DENND1B: variants seen among roughly 807,000 people sequenced by gnomAD.
The protein encoded by DENND1B is DENN domain containing 1B, also known as DENN domain-containing protein 1B.
DENND1B carries 59 observed loss-of-function variants against 90.1 expected under a neutral mutation model. The ratio of observed to expected loss-of-function variants is 0.65; its 90% CI spans 0.53 to 0.81. DENND1B has a LOEUF of 0.81. DENND1B is among the 40% of genes least tolerant of loss of function. The probability of loss-of-function intolerance (pLI) is 0.00; values close to 1 mark genes in which losing one functional copy is unlikely to be tolerated. For synonymous variants in DENND1B, 337 were observed against 324.6 expected (o/e 1.04, Z -0.41); for missense variants, 862 against 912.6 (o/e 0.94, Z 0.71).
chr1:197,513,357 C>T (rs924175456), intron 20 of DENND1B, among the ~76,000 whole-genome samples: 6 of 151,610 alleles, frequency 4.0e-5, no homozygotes, highest in African/African-American at 1.5e-4. Context: ...ACACTCTCTT[C>T]CACCCCAAGT....
chr1:197,700,478 A>T (rs1450411570), intron 3 of DENND1B, among the ~76,000 whole-genome samples: 1 of 152,198 alleles, frequency 6.6e-6, no homozygotes, highest in African/African-American at 2.4e-5. Flanking sequence ...TGGATTAAAG[A>T]TTTAAATGTA....
chr1:197,648,529 G>A (rs541595044), intron 7 of DENND1B, among the ~76,000 whole-genome samples: 1 of 152,186 alleles, frequency 6.6e-6, no homozygotes, highest in African/African-American at 2.4e-5. Context: ...TCTCATTAAT[G>A]CCACCTCCAT....
chr1:197,578,226 T>C (rs1407851266), intron 15 of DENND1B, among the ~76,000 whole-genome samples: 1 of 148,860 alleles, frequency 6.7e-6, no homozygotes, highest in Non-Finnish European at 1.5e-5. Context: ...AAGAGTAGGG[T>C]TTTTGTTTTT....
In DENND1B at chr1:197,510,580, G is replaced by A; in HGVS notation, c.2208C>T (p.Ala736=). 1 of 1,612,640 alleles carries A rather than the reference G, an allele frequency of 6.2e-7. No individual in the cohort carries two copies. Among genetic ancestry groups the A allele is most frequent in the Non-Finnish European group, 8.5e-7 (1 of 1,179,166 alleles). Residue 736 remains alanine, a synonymous_variant, in exon 23 of 23, where the codon GCC becomes GCT. Transcript: ENST00000620048. ...FVPWEKEGKE[A]KETSEDIGLL... is the part of the protein sequence containing the mutation. ...GTCCAATATCTTCTGAAGTCTCTTT[G>A]GCTTCTTTCCCTTCTTTCTCCCAAG... is the stretch of plus-strand genomic sequence containing the variant.
Position 197,612,271 on chromosome 1 carries a change from A to T in DENND1B, c.774-295T>A, listed in dbSNP as rs572416221. Among the ~76,000 whole-genome samples the T allele has an allele frequency of 4.0e-5, 6 of 150,756 alleles. No homozygotes were observed. The South Asian group carries it at 8.3e-4, about 21-fold the overall frequency. On this transcript the variant is annotated intron_variant, in intron 11 of 22. Transcript: ENST00000620048. ...TTGGTTTGTTTTTACCTTAAGAAGA[A>T]TATCCAGGTCTAGGCCATAGTCTGA...
At chr1:197,642,997 T>C (rs1209072598) in intron 9 of DENND1B, among the ~76,000 whole-genome samples, 176 bp from the exon 10 acceptor site, 1 of 152,158 alleles carries the variant, frequency 6.6e-6, no homozygotes, top group Non-Finnish European at 1.5e-5. Context: ...CATAATATTC[T>C]ATTATTAGTT....
intron 6 of DENND1B, 40 bp from the exon 7 acceptor site, chr1:197,652,355 A>G (rs1343037496): frequency 6.6e-7 from 1 of 1,513,380 alleles, no homozygotes; most frequent in Non-Finnish European, 9.0e-7. Context: ...AATAAAACAT[A>G]TACCAAGCAA....
chr1:197,687,791 T>C (rs548508178), intron 3 of DENND1B, among the ~76,000 whole-genome samples: 2 of 152,106 alleles, frequency 1.3e-5, no homozygotes, highest in South Asian at 2.1e-4. Flanking sequence ...CTCTATTCAA[T>C]ATAGTACTGG....
intron 10 of DENND1B, among the ~76,000 whole-genome samples, chr1:197,639,130 C>A (rs766873345): frequency 9.3e-5 from 14 of 150,322 alleles, no homozygotes; most frequent in Admixed American, 1.3e-4. Flanking sequence ...ATGGCGTGAT[C>A]TCGGTTCACT....
At chr1:197,734,706 T>C in intron 2 of DENND1B, 2 of 985,026 alleles carry the variant, frequency 2.0e-6, no homozygotes, top group Non-Finnish European at 2.4e-6. Context: ...AACTACTGTA[T>C]ACAGGATTCA....
At position 197,512,858 on chromosome 1, in the gene DENND1B, A is replaced by T; in HGVS notation, c.1598+13T>A. On this transcript the variant is annotated intron_variant, in intron 21 of 22. Coordinates refer to ENST00000620048, the MANE Select transcript of DENND1B (RefSeq NM_001195215.2). ...CCATTCCACTTAATAGGACACCAAA[A>T]TCCATTACTTACTTGCTTGCTCTTT... The T allele has an allele frequency of 6.2e-7, 1 of 1,608,944 alleles. No individual in the cohort carries two copies.
intron 15 of DENND1B, among the ~76,000 whole-genome samples, chr1:197,568,958 A>G (rs1336387398): frequency 6.6e-6 from 1 of 152,116 alleles, no homozygotes; most frequent in East Asian, 1.9e-4. Flanking sequence ...AAATAGACAA[A>G]TATGATTACA....
At chr1:197,664,916 T>A (rs1013249908) in intron 5 of DENND1B, among the ~76,000 whole-genome samples, 1 of 152,100 alleles carries the variant, frequency 6.6e-6, no homozygotes, top group East Asian at 1.9e-4. Context: ...AGTATTTCAT[T>A]TTGAACCCTT....
chr1:197,700,608 T>A (rs940198160), intron 3 of DENND1B, among the ~76,000 whole-genome samples: 1 of 151,960 alleles, frequency 6.6e-6, no homozygotes, highest in Non-Finnish European at 1.5e-5. Context: ...ATAAATGAGA[T>A]GTAATTAAAC....
chr1:197,700,406 C>T (rs1658903897), intron 3 of DENND1B, among the ~76,000 whole-genome samples: 2 of 152,060 alleles, frequency 1.3e-5, no homozygotes, highest in South Asian at 2.1e-4. Flanking sequence ...AACTGGCTAG[C>T]CATATGCAGA....
chr1:197,562,747 T>A (rs1296796077), intron 15 of DENND1B, among the ~76,000 whole-genome samples: 1 of 151,930 alleles, frequency 6.6e-6, no homozygotes, highest in Non-Finnish European at 1.5e-5. Flanking sequence ...GAGGAAGGCA[T>A]GTCAAAAACT....
intron 20 of DENND1B, among the ~76,000 whole-genome samples, chr1:197,514,385 T>A (rs1668255117): frequency 6.6e-6 from 1 of 151,634 alleles, no homozygotes; most frequent in African/African-American, 2.4e-5. Context: ...TTTTTTTAAA[T>A]TCCCATTATT....
At chr1:197,718,282 A>C (rs1233722138) in intron 2 of DENND1B, among the ~76,000 whole-genome samples, 1 of 152,004 alleles carries the variant, frequency 6.6e-6, no homozygotes, top group Non-Finnish European at 1.5e-5. Context: ...CAACATTCAC[A>C]GAGAGAAACG....
chr1:197,768,786 A>G lies in DENND1B; in HGVS notation c.82+4082T>C, dbSNP rs74134871. Among the ~76,000 whole-genome samples the G allele has an allele frequency of 5.3e-3, 799 of 151,954 alleles. 3 individuals carry two copies. Among genetic ancestry groups the G allele is most frequent in the African/African-American group, 0.019 (769 of 41,452 alleles). ...AAATACTACCAACCCCTCTTATGGC[A>G]TTTTTTTAGATTTGTAGAGCACTCC... On this transcript the variant is annotated intron_variant, in intron 2 of 22. Coordinates refer to ENST00000620048, the MANE Select transcript of DENND1B (RefSeq NM_001195215.2).
Sources: gnomAD v4.1 joint callset for allele counts (sites outside exome capture counted in the v4.1 genomes callset) on GRCh38, gnomAD v4.1.1 for gene constraint, MANE v1.5 for transcripts, NCBI Gene and HGNC (gene_info 2026-07-23, HGNC 2026-07-21) for gene names.